The following SOS2 variants were observed in gnomAD, a reference collection of about 807,000 sequenced individuals.
SOS2 encodes SOS Ras/Rho guanine nucleotide exchange factor 2.
In SOS2, 65 loss-of-function variants were observed where a neutral mutation model predicts 148.2. The observed-to-expected ratio is 0.44, with a 90% CI of 0.36 to 0.54. The LOEUF is 0.54. Among genes scored for constraint, SOS2 ranks in the 20% least tolerant of loss-of-function variants. SOS2 has a pLI of 0.00. For synonymous variants in SOS2, 539 were observed against 537.1 expected (o/e 1.00, Z -0.05); for missense variants, 1,341 against 1,590.2 (o/e 0.84, Z 2.67).
chr14:50,178,877 G>A (rs1259182592), intron 7 of SOS2, among the ~76,000 whole-genome samples: 4 of 151,890 alleles, frequency 2.6e-5, no homozygotes, highest in African/African-American at 9.7e-5. Flanking sequence ...GGGATTACAG[G>A]TGCATGCCAC....
At chr14:50,195,026 AT>A (rs1700003620) in intron 4 of SOS2, among the ~76,000 whole-genome samples, 1 of 152,122 alleles carries the variant, frequency 6.6e-6, no homozygotes, top group Admixed American at 6.5e-5. Flanking sequence ...ATATCTACAT[AT>A]GCTGGAACAT....
At chr14:50,148,542 G>A (rs1038704827) in intron 14 of SOS2, among the ~76,000 whole-genome samples, 1 of 151,922 alleles carries the variant, frequency 6.6e-6, no homozygotes, top group Non-Finnish European at 1.5e-5. Context: ...CAATTACATT[G>A]TGAGAAAAAA....
At chr14:50,183,888 T>C (rs575596478) in intron 5 of SOS2, among the ~76,000 whole-genome samples, 1 of 152,334 alleles carries the variant, frequency 6.6e-6, no homozygotes, top group South Asian at 2.1e-4. Context: ...TTCTGAGAAA[T>C]GCGCTGTTAG....
chr14:50,205,875 G>A lies in SOS2; in HGVS notation c.88-1466C>T, dbSNP rs1018148243. 6.4e-4 allele frequency among the ~76,000 whole-genome samples: 93 copies of A among 145,948 alleles called. 4 individuals are homozygous for A. Among genetic ancestry groups the A allele is most frequent in the South Asian group, 2.1e-4 (1 of 4,724 alleles). Reference sequence around the variant, plus strand: ...GCAGAGGTTGCAGTGAGCAGAGATCGCACCACTGCACTCCAGCCTGGGCAA... The same window carrying A: ...GCAGAGGTTGCAGTGAGCAGAGATCACACCACTGCACTCCAGCCTGGGCAA... On this transcript the variant is annotated intron_variant, in intron 1 of 22. Coordinates refer to ENST00000216373, the MANE Select transcript of SOS2 (RefSeq NM_006939.4).
chr14:50,199,545 C>T lies in SOS2; in HGVS notation c.510+146G>A, dbSNP rs1955924. Reference sequence around the variant, plus strand: ...TATGCTTAAAAACCTGGAAATATCACGGTTACTCTGTAAAGCCAGGATTTT... The same window carrying T: ...TATGCTTAAAAACCTGGAAATATCATGGTTACTCTGTAAAGCCAGGATTTT... On this transcript the variant is annotated intron_variant, in intron 4 of 22. Coordinates refer to ENST00000216373, the MANE Select transcript of SOS2 (RefSeq NM_006939.4). The T allele has an allele frequency of 0.64, 281,949 of 439,116 alleles. 92,086 individuals carry two copies. Among genetic ancestry groups the T allele is most frequent in the Non-Finnish European group, 0.7 (174,098 of 249,734 alleles). 27.2% of individuals were successfully genotyped at this position (439,116 alleles called of 1,614,324 possible).
chr14:50,179,082 C>T (rs1885638962), intron 7 of SOS2, among the ~76,000 whole-genome samples: 1 of 152,012 alleles, frequency 6.6e-6, no homozygotes, highest in South Asian at 2.1e-4. Flanking sequence ...GTAACAAATA[C>T]TACAGACATT....
intron 16 of SOS2, 128 bp downstream of exon 16, chr14:50,145,042 T>C (rs141019845): frequency 2.4e-6 from 1 of 421,252 alleles, no homozygotes; most frequent in Non-Finnish European, 4.2e-6. Context: ...AATATATTTA[T>C]ATCATATTTA....
At chr14:50,203,242 C>T (rs1886552326) in intron 2 of SOS2, among the ~76,000 whole-genome samples, 1 of 152,032 alleles carries the variant, frequency 6.6e-6, no homozygotes, top group Admixed American at 6.6e-5. Context: ...GGGGTGCACG[C>T]CTGTAGTCCC....
In SOS2 at chr14:50,134,131, G is replaced by A. The variant is rs1287471667; in HGVS notation, c.3067C>T (p.Pro1023Ser). The change falls in exon 19 of 23, where the codon CCT (proline) becomes TCT (serine). Residue 1023 changes from proline (P) to serine (S), a missense_variant. By Grantham distance (74) the Pro-to-Ser change is moderately conservative. This residue lies in a region of SOS2 where 408 missense variants were observed against 506.6 expected (regional missense o/e 0.81). Transcript: ENST00000216373. ...AATTATAAAAGACTTACAAATCGAG[G>A]TGGCTGTTTGCAGTTTCGAGGTTCA... The part of the protein sequence containing the change: ...EIEPRNCKQP[P>S]RFPRKSTFSL... 1 of 1,504,214 alleles carries A rather than the reference G, an allele frequency of 6.6e-7. No individual in the cohort carries two copies. The highest frequency in any genetic ancestry group is 9.2e-7 in the Non-Finnish European group (1 of 1,083,538). 93.2% of individuals were successfully genotyped at this position (1,504,214 alleles called of 1,614,324 possible).
chr14:50,228,223 T>C (rs1005737800), intron 1 of SOS2, among the ~76,000 whole-genome samples: 1 of 151,950 alleles, frequency 6.6e-6, no homozygotes, highest in African/African-American at 2.4e-5. Flanking sequence ...TGGTATTTTT[T>C]AGTAGAGACG....
At chr14:50,166,877 T>G (rs2139653358) in intron 8 of SOS2, among the ~76,000 whole-genome samples, 1 of 152,174 alleles carries the variant, frequency 6.6e-6, no homozygotes, top group East Asian at 1.9e-4. Flanking sequence ...TTCATAAGAG[T>G]GGAGTTGGTA....
intron 1 of SOS2, among the ~76,000 whole-genome samples, chr14:50,219,160 C>A (rs1887127422): frequency 2.0e-5 from 3 of 152,046 alleles, no homozygotes; most frequent in African/African-American, 7.2e-5. Flanking sequence ...TCCAACCACT[C>A]TTTGGTAATT....
intron 11 of SOS2, 127 bp from the exon 12 acceptor site, chr14:50,157,248 GTATGA>G: frequency 9.9e-7 from 1 of 1,005,842 alleles, no homozygotes; most frequent in Non-Finnish European, 1.4e-6. Flanking sequence ...TTCCCTTGAG[GTATGA>G]TATACTACAA....
At chr14:50,189,636 C>T (rs1333927198) in intron 4 of SOS2, among the ~76,000 whole-genome samples, 1 of 152,040 alleles carries the variant, frequency 6.6e-6, no homozygotes, top group South Asian at 2.1e-4. Flanking sequence ...TAGAGGCACA[C>T]GATAGATCAG....
At position 50,204,316 on chromosome 14, in the gene SOS2, T is replaced by G; in HGVS notation, c.181A>C (p.Met61Leu). The G allele has an allele frequency of 6.2e-7, 1 of 1,604,842 alleles. No homozygotes were observed. The highest frequency in any genetic ancestry group is 1.3e-5 in the African/African-American group (1 of 74,588). ...TCTTGAACAGTCCTTGGCTGGGCCA[T>G]GCATAATTTATTAAGCAGCTGAAAA... is the stretch of plus-strand genomic sequence containing the variant. ...LIFQLLNKLC[M>L]AQPRTVQDVE... is the part of the protein sequence containing the mutation. Residue 61 changes from methionine to leucine, a missense_variant, in exon 2 of 23, where the codon ATG (methionine) becomes CTG (leucine). Met to Leu is a conservative substitution (Grantham distance 15, BLOSUM62 2). Coordinates refer to ENST00000216373, the MANE Select transcript of SOS2 (RefSeq NM_006939.4).
intron 16 of SOS2, among the ~76,000 whole-genome samples, chr14:50,142,050 C>T (rs2139564634): frequency 6.6e-6 from 1 of 151,162 alleles, no homozygotes; most frequent in African/African-American, 2.4e-5. Flanking sequence ...CTCTGTCGCA[C>T]AGGCTGGAGT....
chr14:50,188,078 T>C (rs1885979742), intron 5 of SOS2, among the ~76,000 whole-genome samples: 1 of 152,242 alleles, frequency 6.6e-6, no homozygotes, highest in South Asian at 2.1e-4. Context: ...TACATGAAAG[T>C]ATTTTTAATG....
rs1248324702 is a variant in SOS2, at chr14:50,118,812, C to T, written c.3531G>A (p.Pro1177=). ...TTACCTTTGGAGGAGGAGGCTGTCT[C>T]GGTGGAATAGCAGGAGGATCATCAT... The part of the protein sequence containing the change: ...KSDDDPPAIP[P]RQPPPPKVKP... Residue 1177 remains proline (P), a synonymous_variant, in exon 23 of 23, where the codon CCG becomes CCA. Coordinates refer to ENST00000216373, the MANE Select transcript of SOS2 (RefSeq NM_006939.4). 4.0e-6 allele frequency: 6 copies of T among 1,493,424 alleles called. No individual in the cohort carries two copies. The highest frequency in any genetic ancestry group is 2.7e-5 in the South Asian group (2 of 74,966). 92.5% of individuals were successfully genotyped at this position (1,493,424 alleles called of 1,614,324 possible). A position where few individuals can be genotyped will look rare whatever the true frequency, so the allele number is the denominator to read the frequency against.
At chr14:50,185,691 CAAA>C (rs1374798483) in intron 5 of SOS2, among the ~76,000 whole-genome samples, 8 of 83,082 alleles carry the variant, frequency 9.6e-5, no homozygotes, top group Admixed American at 1.4e-4. Context: ...GACTCTGTCT[CAAA>C]AAAAAAAAAA....
Sources: allele counts gnomAD v4.1 joint callset (sites outside exome capture counted in the v4.1 genomes callset), GRCh38; gene constraint gnomAD v4.1.1; regional missense constraint gnomAD v4.1.1; transcripts MANE v1.5; gene names NCBI Gene and HGNC (gene_info 2026-07-23, HGNC 2026-07-21).